Variants in PSTPIP2 observed in about 807,000 individuals in gnomAD.
The protein encoded by PSTPIP2 is proline-serine-threonine phosphatase interacting protein 2.
A neutral mutation model predicts 63.3 loss-of-function variants in PSTPIP2; 33 were observed. That is an observed-to-expected ratio of 0.52 (90% CI 0.40 to 0.70). The LOEUF (loss-of-function observed/expected upper bound fraction) is 0.70, where lower values mean the gene tolerates loss of function less well. PSTPIP2 is among the 30% of genes least tolerant of loss of function. PSTPIP2 has a pLI of 0.00. For missense variants in PSTPIP2, 312 were observed against 400.7 expected, an observed-to-expected ratio of 0.78 and a Z score of 1.89; for synonymous variants, 125 against 132.7, an observed-to-expected ratio of 0.94 and a Z score of 0.40.
At position 45,985,355 on chromosome 18, in the gene PSTPIP2, A is replaced by G; in HGVS notation, c.*104T>C. 1.3e-6 allele frequency: 2 copies of G among 1,495,044 alleles called. No homozygotes were observed. Among genetic ancestry groups the G allele is most frequent in the South Asian group, 2.4e-5 (2 of 84,732 alleles). The allele number at this position is 1,495,044 out of a possible 1,614,324, so 92.6% of individuals were successfully genotyped here. A position where few individuals can be genotyped will look rare whatever the true frequency, so the allele number is the denominator to read the frequency against. ...AAAAATTATAGCAAGGGTTCACTTCAAAGTCTTCATTGCTGACATAACGTG... is the reference window on the plus strand; with the variant it reads ...AAAAATTATAGCAAGGGTTCACTTCGAAGTCTTCATTGCTGACATAACGTG... On this transcript the variant is annotated 3_prime_UTR_variant, in exon 15 of 15. Transcript: ENST00000409746.
intron 1 of PSTPIP2, among the ~76,000 whole-genome samples, chr18:46,064,282 C>CTTTTTTTTTTTTTTTTTTTTTTTTTTTTT (rs56236802): frequency 5.6e-5 from 4 of 71,528 alleles, no homozygotes; most frequent in African/African-American, 1.9e-4. Flanking sequence ...CTTTTTCTTT[C>CTTTTTTTTTTTTTTTTTTTTTTTTTTTTT]TTTTTTTTTT....
intron 1 of PSTPIP2, among the ~76,000 whole-genome samples, chr18:46,051,915 C>T (rs1005556333): frequency 4.6e-5 from 7 of 152,156 alleles, no homozygotes; most frequent in South Asian, 2.1e-4. Flanking sequence ...ATCATATTAC[C>T]GGGCAAATCA....
At position 46,039,197 on chromosome 18, in the gene PSTPIP2, A is replaced by G. The variant is rs150249441; in HGVS notation, c.134+750T>C. On this transcript the variant is annotated intron_variant, in intron 2 of 14. Coordinates refer to ENST00000409746, the MANE Select transcript of PSTPIP2 (RefSeq NM_024430.4). Reference sequence around the variant, plus strand: ...ATTCTTTCATCCAGAACCTCTGTAAAATGGAATATTCTAGATCAATAAGTT... The same window carrying G: ...ATTCTTTCATCCAGAACCTCTGTAAGATGGAATATTCTAGATCAATAAGTT... Among the ~76,000 whole-genome samples, 582 of 152,228 alleles carry G rather than the reference A, an allele frequency of 3.8e-3. 4 individuals carry two copies. Among genetic ancestry groups the G allele is most frequent in the African/African-American group, 0.013 (550 of 41,534 alleles).
intron 1 of PSTPIP2, among the ~76,000 whole-genome samples, chr18:46,042,893 G>A (rs1024100315): frequency 3.3e-5 from 5 of 152,018 alleles, no homozygotes; most frequent in Non-Finnish European, 4.4e-5. Flanking sequence ...ACTTTAACTT[G>A]GCCTTCAGCA....
At chr18:45,999,014 T>A (rs757393771) in intron 7 of PSTPIP2, among the ~76,000 whole-genome samples, 175 bp from the exon 8 acceptor site, 2 of 152,148 alleles carry the variant, frequency 1.3e-5, no homozygotes. Context: ...ATCTTATCAA[T>A]CTTGGAAAAT....
At chr18:46,021,687 T>C (rs1568219366) in intron 3 of PSTPIP2, among the ~76,000 whole-genome samples, 1 of 151,476 alleles carries the variant, frequency 6.6e-6, no homozygotes, top group African/African-American at 2.4e-5. Context: ...GGCTCATGCC[T>C]GTAATCCCAG....
chr18:46,043,666 A>T (rs1183164518), intron 1 of PSTPIP2, among the ~76,000 whole-genome samples: 1 of 152,212 alleles, frequency 6.6e-6, no homozygotes, highest in Non-Finnish European at 1.5e-5. Flanking sequence ...CTAGGCAAGA[A>T]AAAGAAATAA....
At position 46,021,159 on chromosome 18, in the gene PSTPIP2, G is replaced by A. The variant is rs139790454; in HGVS notation, c.212+3450C>T. ...GTTGATGTAGTTTGGACCCTTGGACGTGCAAATGTTTTACATATTCAAAAA... is the reference window on the plus strand; with the variant it reads ...GTTGATGTAGTTTGGACCCTTGGACATGCAAATGTTTTACATATTCAAAAA... On this transcript the variant is annotated intron_variant, in intron 3 of 14. Transcript: ENST00000409746. Among the ~76,000 whole-genome samples, 492 of 152,202 alleles carry A rather than the reference G, an allele frequency of 3.2e-3. 5 individuals carry two copies. Among genetic ancestry groups the A allele is most frequent in the African/African-American group, 0.011 (458 of 41,518 alleles).
rs187395191 is a variant in PSTPIP2 at position 46,059,099 on chromosome 18, C to T, written c.33+13057G>A. ...TCGCCCAGGCTGGAGTGCAATGGTG[C>T]GATCTTGGCTCGCTGCAACCTCCGC... On this transcript the variant is annotated intron_variant, in intron 1 of 14. Transcript: ENST00000409746. 1.1e-4 allele frequency among the ~76,000 whole-genome samples: 16 copies of T among 150,508 alleles called. No individual in the cohort carries two copies. The East Asian group carries it at 2.5e-3, about 24-fold the overall frequency.
At chr18:46,047,169 C>T (rs1046313821) in intron 1 of PSTPIP2, among the ~76,000 whole-genome samples, 2 of 152,192 alleles carry the variant, frequency 1.3e-5, no homozygotes, top group African/African-American at 2.4e-5. Context: ...GTTCATGTTA[C>T]CTCCCTATGC....
intron 2 of PSTPIP2, chr18:46,029,432 G>A: frequency 1.4e-6 from 2 of 1,403,220 alleles, no homozygotes; most frequent in Non-Finnish European, 2.0e-6. Context: ...TTATGTTTGG[G>A]ATGTGAACTC....
rs757748475 is a variant in PSTPIP2 at position 46,024,659 on chromosome 18, T to C, written c.162A>G (p.Lys54=). The C allele has an allele frequency of 9.9e-6, 16 of 1,614,140 alleles. No individual in the cohort carries two copies. The South Asian group carries it at 1.6e-4, about 17-fold the overall frequency. Residue 54 remains lysine, a synonymous_variant, in exon 3 of 15, where the codon AAA becomes AAG. Coordinates refer to ENST00000409746, the MANE Select transcript of PSTPIP2 (RefSeq NM_024430.4). ...ERAAIEERYG[K]DLLNLSRKKP... The stretch of plus-strand genomic sequence containing the variant: ...TCTTCCTAGAGAGGTTGAGCAGATC[T>C]TTGCCATACCTCTCTTCAATTGCTG...
At chr18:46,004,844 C>A (rs533996498) in intron 6 of PSTPIP2, among the ~76,000 whole-genome samples, 150 of 152,306 alleles carry the variant, frequency 9.8e-4, no homozygotes, top group African/African-American at 3.4e-3. Context: ...TTTGACCCAG[C>A]AATCCCATTA....
At chr18:46,030,114 CA>C (rs1907736487) in intron 2 of PSTPIP2, among the ~76,000 whole-genome samples, 1 of 150,062 alleles carries the variant, frequency 6.7e-6, no homozygotes, top group Admixed American at 6.7e-5. Flanking sequence ...GACTCCGACT[CA>C]AAAAAAGAAA....
chr18:46,000,697 T>A (rs949829181), intron 6 of PSTPIP2, among the ~76,000 whole-genome samples: 1 of 152,234 alleles, frequency 6.6e-6, no homozygotes, highest in African/African-American at 2.4e-5. Context: ...AAGAATTCTG[T>A]TTTATGTAGT....
intron 13 of PSTPIP2, among the ~76,000 whole-genome samples, chr18:45,989,218 C>T (rs577497802): frequency 3.5e-4 from 53 of 152,084 alleles, no homozygotes; most frequent in African/African-American, 1.1e-3. Context: ...TGTGTCCCCA[C>T]CCAAATCTCA....
At chr18:45,990,433 TTTG>T (rs2051515704) in intron 13 of PSTPIP2, among the ~76,000 whole-genome samples, 3 of 146,572 alleles carry the variant, frequency 2.0e-5, no homozygotes, top group African/African-American at 5.4e-5. Context: ...TTTTTGTTTG[TTTG>T]TTTGTTTGTT....
chr18:46,020,699 T>A (rs72920417), intron 3 of PSTPIP2, among the ~76,000 whole-genome samples: 70 of 152,272 alleles, frequency 4.6e-4, no homozygotes, highest in Non-Finnish European at 7.6e-4. Flanking sequence ...CTAAAGATCA[T>A]GTCATGGGGT....
At chr18:46,035,741 A>AT (rs1907949786) in intron 2 of PSTPIP2, among the ~76,000 whole-genome samples, 1 of 152,198 alleles carries the variant, frequency 6.6e-6, no homozygotes, top group African/African-American at 2.4e-5. Flanking sequence ...TTGATGAGTC[A>AT]TAAACACAGG....
Sources: gnomAD v4.1 joint callset for allele counts (sites outside exome capture counted in the v4.1 genomes callset) on GRCh38, gnomAD v4.1.1 for gene constraint, MANE v1.5 for transcripts, NCBI Gene and HGNC (gene_info 2026-07-23, HGNC 2026-07-21) for gene names.